MIEF1: variants seen among roughly 807,000 people sequenced by gnomAD.
MIEF1 encodes mitochondrial elongation factor 1.
MIEF1 carries 14 observed loss-of-function variants against 35.1 expected under a neutral mutation model. The ratio of observed to expected loss-of-function variants is 0.40; its 90% confidence interval spans 0.26 to 0.62. The LOEUF is 0.62. Ranked by LOEUF, MIEF1 falls within the 20% of genes least tolerant of loss-of-function variation. The pLI is 0.43. For synonymous variants in MIEF1, 245 were observed against 254.3 expected, an observed-to-expected ratio of 0.96 and a Z score of 0.35; for missense variants, 542 against 615.4, an observed-to-expected ratio of 0.88 and a Z score of 1.26.
rs553275046 is a variant in MIEF1 at position 39,507,813 on chromosome 22, C to T, written c.-8+3279C>T. ...CTGGGAGGTGGAGGTTGCAGTGAGC[C>T]GGGATTGCCCCACTATACTCCAGCC... is the stretch of plus-strand genomic sequence containing the variant. On this transcript the variant is annotated intron_variant, in intron 2 of 5. Transcript: ENST00000325301. Among the ~76,000 whole-genome samples, 5 of 151,784 alleles carry T rather than the reference C, an allele frequency of 3.3e-5. No homozygotes were observed. In the South Asian group the frequency reaches 6.2e-4, roughly 19 times the overall value.
chr22:39,501,473 GCGGTGGCCC>G (rs1174403566), upstream of MIEF1, among the ~76,000 whole-genome samples: 1 of 152,226 alleles, frequency 6.6e-6, no homozygotes, highest in Admixed American at 6.5e-5. Context: ...CTAGGAGCCA[GCGGTGGCCC>G]CGGTGGCCCC....
chr22:39,516,712 A>C lies in MIEF1; in HGVS notation c.*2389A>C, dbSNP rs1930690618. Reference sequence around the variant, plus strand: ...AGTGAGACCCTATTTCAAAAAAATAAAAATTGGAAGAAGAGCTTAAAAAAG... The same window carrying C: ...AGTGAGACCCTATTTCAAAAAAATACAAATTGGAAGAAGAGCTTAAAAAAG... On this transcript the variant is annotated 3_prime_UTR_variant, in exon 6 of 6. Transcript: ENST00000325301. 1 of 152,246 alleles carries C rather than the reference A, an allele frequency of 6.6e-6. No homozygotes were observed. The highest frequency in any genetic ancestry group is 2.4e-5 in the African/African-American group (1 of 41,462). 9.4% of individuals were successfully genotyped at this position (152,246 alleles called of 1,614,324 possible).
At chr22:39,512,647 T>C (rs1489335483) in intron 5 of MIEF1, among the ~76,000 whole-genome samples, 153 bp downstream of exon 5, 2 of 152,094 alleles carry the variant, frequency 1.3e-5, no homozygotes, top group African/African-American at 2.4e-5. Context: ...TCCATGCTTG[T>C]TATTCTTTTT....
At chr22:39,511,803 G>C (rs1184782432) in intron 3 of MIEF1, 46 bp from the exon 4 acceptor site, 1 of 1,557,816 alleles carries the variant, frequency 6.4e-7, no homozygotes, top group Admixed American at 1.9e-5. Context: ...GAAGGAAATA[G>C]GGAAAGAGGG....
At position 39,515,608 on chromosome 22, in the gene MIEF1, A is replaced by G. The variant is rs1241913441; in HGVS notation, c.*1285A>G. The G allele has an allele frequency of 1.0e-5, 5 of 499,862 alleles. No individual in the cohort carries two copies. Among genetic ancestry groups the G allele is most frequent in the Non-Finnish European group, 1.8e-5 (5 of 282,620 alleles). 31.0% of individuals were successfully genotyped at this position (499,862 alleles called of 1,614,324 possible). ...AGGGGAGGAGGTGGGCATTTCCTAC[A>G]TTCCTCCTTGTTTGCCGCTGCTGAG... is the stretch of plus-strand genomic sequence containing the variant. On this transcript the variant is annotated 3_prime_UTR_variant, in exon 6 of 6. Transcript: ENST00000325301.
At chr22:39,504,886 C>G (rs1446354448) in intron 2 of MIEF1, among the ~76,000 whole-genome samples, 1 of 152,142 alleles carries the variant, frequency 6.6e-6, no homozygotes, top group Non-Finnish European at 1.5e-5. Context: ...GTGGGAACTG[C>G]AATTTTCTTT....
In MIEF1 at chr22:39,515,587, G is replaced by A; in HGVS notation, c.*1264G>A. The A allele has an allele frequency of 1.9e-6, 1 of 518,750 alleles. No individual in the cohort carries two copies. The highest frequency in any genetic ancestry group is 3.4e-6 in the Non-Finnish European group (1 of 293,464). 32.1% of individuals were successfully genotyped at this position (518,750 alleles called of 1,614,324 possible). ...GAGAGCACACAGATAAGACAGAGGG[G>A]AGGAGGTGGGCATTTCCTACATTCC... On this transcript the variant is annotated 3_prime_UTR_variant, in exon 6 of 6. Transcript: ENST00000325301.
In MIEF1 at chr22:39,511,925, C is replaced by T. The variant is rs756813736; in HGVS notation, c.221C>T (p.Pro74Leu). The T allele has an allele frequency of 6.2e-7, 1 of 1,614,222 alleles. No homozygotes were observed. The highest frequency in any genetic ancestry group is 8.5e-7 in the Non-Finnish European group (1 of 1,180,032). The change falls in exon 4 of 6, where the codon CCC (proline) becomes CTC (leucine). Residue 74 changes from proline to leucine, a missense_variant. By Grantham distance (98) the Pro-to-Leu change is moderately conservative (BLOSUM62 -3). Transcript: ENST00000325301. ...SHSGKRSWEEPNWMGSPRLLN... is the reference protein window; with the variant it reads ...SHSGKRSWEELNWMGSPRLLN... ...TCGGGGAAAAGGAGCTGGGAAGAAC[C>T]CAACTGGATGGGCTCCCCACGACTG... is the stretch of plus-strand genomic sequence containing the variant.
rs549188796 is a variant in MIEF1, at chr22:39,504,322, A to G, written c.-220A>G. 113 of 398,986 alleles carry G rather than the reference A, an allele frequency of 2.8e-4. 1 individual carries two copies. In the East Asian group the frequency reaches 4.0e-3, roughly 14 times the overall value. 24.7% of individuals were successfully genotyped at this position (398,986 alleles called of 1,614,324 possible). On this transcript the variant is annotated 5_prime_UTR_variant, in exon 2 of 6. Transcript: ENST00000325301. ...CTTCGCTACACTGATCGAGACTTCT[A>G]CTTTGCCTCCATCCGCCGTGAATTC...
intron 2 of MIEF1, among the ~76,000 whole-genome samples, chr22:39,507,678 A>C (rs1601745447): frequency 6.6e-6 from 1 of 151,812 alleles, no homozygotes; most frequent in African/African-American, 2.4e-5. Flanking sequence ...AGCCTGGCCA[A>C]CATGGTGAAA....
chr22:39,511,175 T>G, intron 2 of MIEF1, 113 bp from the exon 3 acceptor site: 9 of 1,347,268 alleles, frequency 6.7e-6, no homozygotes, highest in South Asian at 1.3e-5. Context: ...GGCAAGAAGA[T>G]TTGGGTTGCT....
intron 2 of MIEF1, among the ~76,000 whole-genome samples, chr22:39,507,274 T>C (rs574481784): frequency 2.0e-5 from 3 of 152,136 alleles, no homozygotes; most frequent in East Asian, 3.9e-4. Flanking sequence ...AGATGGAGTC[T>C]TGCTCTGTCA....
chr22:39,502,671 C>T (rs1929801066), intron 1 of MIEF1, among the ~76,000 whole-genome samples: 1 of 152,230 alleles, frequency 6.6e-6, no homozygotes, highest in Admixed American at 6.5e-5. Context: ...GCCCTGGCCT[C>T]TGGGCCTCCG....
upstream of MIEF1, among the ~76,000 whole-genome samples, chr22:39,501,289 C>T (rs1219612818): frequency 1.3e-5 from 2 of 152,202 alleles, no homozygotes; most frequent in South Asian, 2.1e-4. Context: ...AAATGCTCTT[C>T]CCTGCAATGT....
At position 39,515,416 on chromosome 22, in the gene MIEF1, C is replaced by T. The variant is rs1930606973; in HGVS notation, c.*1093C>T. 3 of 699,642 alleles carry T rather than the reference C, an allele frequency of 4.3e-6. No homozygotes were observed. 43.3% of individuals were successfully genotyped at this position (699,642 alleles called of 1,614,324 possible). On this transcript the variant is annotated 3_prime_UTR_variant, in exon 6 of 6. Coordinates refer to ENST00000325301, the MANE Select transcript of MIEF1 (RefSeq NM_019008.6). ...AGAACAGACCCAACAGCCAGCCCTT[C>T]ATCCTCCAGCGTCTGCCATAGGAAT...
Position 39,514,390 on chromosome 22 carries a change from A to G in MIEF1, c.*67A>G, listed in dbSNP as rs1930547759. 7.2e-6 allele frequency: 11 copies of G among 1,531,694 alleles called. No homozygotes were observed. The highest frequency in any genetic ancestry group is 2.3e-5 in the East Asian group (1 of 44,216). 94.9% of individuals were successfully genotyped at this position (1,531,694 alleles called of 1,614,324 possible). A position where few individuals can be genotyped will look rare whatever the true frequency, so the allele number is the denominator to read the frequency against. The stretch of plus-strand genomic sequence containing the variant: ...GATTCTCCGTTAGATACACTTGGCT[A>G]CCTAGTTGGTGCCTCACAGGGTTCC... On this transcript the variant is annotated 3_prime_UTR_variant, in exon 6 of 6. Transcript: ENST00000325301.
rs942583709 is a variant in MIEF1, at chr22:39,516,991, C to G, written c.*2668C>G. 2 of 152,366 alleles carry G rather than the reference C, an allele frequency of 1.3e-5. No homozygotes were observed. The highest frequency in any genetic ancestry group is 2.9e-5 in the Non-Finnish European group (2 of 68,180). 9.4% of individuals were successfully genotyped at this position (152,366 alleles called of 1,614,324 possible). ...TTCTTTTTGCTGCCATCTTCCTCAT[C>G]ATAAAGTGTGGAACATAGGCAATTG... On this transcript the variant is annotated 3_prime_UTR_variant, in exon 6 of 6. Transcript: ENST00000325301.
Position 39,515,384 on chromosome 22 carries a change from T to C in MIEF1, c.*1061T>C, listed in dbSNP as rs1020555080. On this transcript the variant is annotated 3_prime_UTR_variant, in exon 6 of 6. Transcript: ENST00000325301. ...GCCCTGCTTTTCTAGGATGTGGCCTTAGAGCAAGAACAGACCCAACAGCCA... is the reference window on the plus strand; with the variant it reads ...GCCCTGCTTTTCTAGGATGTGGCCTCAGAGCAAGAACAGACCCAACAGCCA... The C allele has an allele frequency of 9.8e-6, 7 of 714,858 alleles. No individual in the cohort carries two copies. The highest frequency in any genetic ancestry group is 2.7e-5 in the East Asian group (1 of 37,296). The allele number at this position is 714,858 out of a possible 1,614,324, so 44.3% of individuals were successfully genotyped here.
At position 39,514,110 on chromosome 22, in the gene MIEF1, C is replaced by T. The variant is rs1343649217; in HGVS notation, c.1179C>T (p.Ala393=). ...SQLTNVILHL[A]QEEADWSPDM... The stretch of plus-strand genomic sequence containing the variant: ...TAACCAATGTCATCCTCCACTTGGC[C>T]CAGGAGGAGGCTGACTGGTCTCCGG... Residue 393 remains alanine (A), a synonymous_variant, in exon 6 of 6, where the codon GCC becomes GCT. Coordinates refer to ENST00000325301, the MANE Select transcript of MIEF1 (RefSeq NM_019008.6). 12 of 1,614,094 alleles carry T rather than the reference C, an allele frequency of 7.4e-6. No homozygotes were observed. Among genetic ancestry groups the T allele is most frequent in the African/African-American group, 2.7e-5 (2 of 74,924 alleles).
Sources: allele counts gnomAD v4.1 joint callset (sites outside exome capture counted in the v4.1 genomes callset), GRCh38; gene constraint gnomAD v4.1.1; transcripts MANE v1.5; gene names NCBI Gene and HGNC (gene_info 2026-07-23, HGNC 2026-07-21).